THSD4: variants seen among roughly 807,000 people sequenced by gnomAD.
THSD4 encodes thrombospondin type-1 domain-containing protein 4.
Under a neutral mutation model 119.0 loss-of-function variants are expected in THSD4, and 69 were observed. That is an observed-to-expected ratio of 0.58 (90% CI 0.48 to 0.71). The LOEUF (loss-of-function observed/expected upper bound fraction) is 0.71. Among genes scored for constraint, THSD4 ranks in the 30% least tolerant of loss-of-function variants. The pLI is 0.00. For missense variants in THSD4, 1,393 were observed against 1,391.1 expected, an observed-to-expected ratio of 1.00 and a Z score of -0.02; for synonymous variants, 524 against 540.4, an observed-to-expected ratio of 0.97 and a Z score of 0.42.
At chr15:71,491,906 T>G (rs1567006615) in intron 7 of THSD4, among the ~76,000 whole-genome samples, 1 of 152,158 alleles carries the variant, frequency 6.6e-6, no homozygotes, top group Non-Finnish European at 1.5e-5. Context: ...ATTTATTTTA[T>G]TTATAAACTA....
At chr15:71,406,904 G>A (rs537635715) in intron 6 of THSD4, among the ~76,000 whole-genome samples, 39 of 151,960 alleles carry the variant, frequency 2.6e-4, no homozygotes, top group African/African-American at 8.7e-4. Context: ...GGCTGGTCTC[G>A]AACTCCTGAT....
chr15:71,396,067 G>T (rs142196083), intron 6 of THSD4, among the ~76,000 whole-genome samples: 2 of 151,918 alleles, frequency 1.3e-5, no homozygotes, highest in Admixed American at 6.6e-5. Flanking sequence ...TGCTTTTATC[G>T]CTGTTGAGTG....
intron 5 of THSD4, among the ~76,000 whole-genome samples, chr15:71,255,939 G>C (rs1255910951): frequency 6.6e-6 from 1 of 152,200 alleles, no homozygotes; most frequent in Admixed American, 6.5e-5. Flanking sequence ...AACAGAAGCA[G>C]ATGGCCTCTT....
At chr15:71,573,313 T>C (rs922244151) in intron 7 of THSD4, among the ~76,000 whole-genome samples, 6 of 152,122 alleles carry the variant, frequency 3.9e-5, no homozygotes, top group Admixed American at 1.3e-4. Context: ...GTGGTGGCAG[T>C]GAGAATAGAA....
chr15:71,143,624 G>A (rs546818278), intron 2 of THSD4, among the ~76,000 whole-genome samples: 83 of 150,920 alleles, frequency 5.5e-4, no homozygotes, highest in South Asian at 3.8e-3. Flanking sequence ...CAGGCAGGGA[G>A]TTTCTTGGGA....
chr15:71,753,907 C>T (rs998243259), intron 14 of THSD4, among the ~76,000 whole-genome samples: 3 of 152,098 alleles, frequency 2.0e-5, no homozygotes, highest in Non-Finnish European at 2.9e-5. Flanking sequence ...CCTTCATATT[C>T]TTCTTTTAAA....
chr15:71,653,076 G>T (rs2051123209), intron 7 of THSD4, among the ~76,000 whole-genome samples: 2 of 152,150 alleles, frequency 1.3e-5, no homozygotes, highest in African/African-American at 4.8e-5. Flanking sequence ...CTGTAACTTT[G>T]ATCTTTTGAT....
At chr15:71,480,625 C>G (rs1373788431) in intron 7 of THSD4, among the ~76,000 whole-genome samples, 4 of 152,198 alleles carry the variant, frequency 2.6e-5, no homozygotes, top group Non-Finnish European at 5.9e-5. Context: ...CTCCCTGAGC[C>G]TCTTACACCC....
chr15:71,672,722 C>T (rs1173330265), intron 8 of THSD4, among the ~76,000 whole-genome samples: 1 of 152,140 alleles, frequency 6.6e-6, no homozygotes, highest in Admixed American at 6.5e-5. Flanking sequence ...TGTCAAAGGC[C>T]TTTTCTGCAT....
chr15:71,563,991 A>G (rs2049176210), intron 7 of THSD4, among the ~76,000 whole-genome samples: 1 of 152,130 alleles, frequency 6.6e-6, no homozygotes, highest in African/African-American at 2.4e-5. Context: ...CCAATTCCAA[A>G]TTGCACTGAG....
intron 7 of THSD4, among the ~76,000 whole-genome samples, chr15:71,558,226 G>T (rs1403877800): frequency 2.0e-5 from 3 of 152,178 alleles, no homozygotes; most frequent in Non-Finnish European, 4.4e-5. Flanking sequence ...TACTTGGGAG[G>T]CTGAGGCAGG....
chr15:71,302,872 C>A (rs1023382158), intron 6 of THSD4, among the ~76,000 whole-genome samples: 1 of 152,088 alleles, frequency 6.6e-6, no homozygotes, highest in African/African-American at 2.4e-5. Flanking sequence ...AGCCCTACAA[C>A]CCCCTGCCAC....
At chr15:71,473,377 C>G (rs558569820) in intron 7 of THSD4, among the ~76,000 whole-genome samples, 102 of 152,104 alleles carry the variant, frequency 6.7e-4, no homozygotes, top group Non-Finnish European at 1.1e-3. Flanking sequence ...GAATCATAAA[C>G]TGTTTTTAGG....
chr15:71,660,606 G>C lies in THSD4; in HGVS notation c.1229G>C (p.Gly410Ala), dbSNP rs202063075. The change falls in exon 8 of 18, where the codon GGC becomes GCC. Residue 410 changes from glycine (G) to alanine (A), a missense_variant. Gly to Ala is a moderately conservative substitution (Grantham distance 60, BLOSUM62 0). Coordinates refer to ENST00000261862, the MANE Select transcript of THSD4 (RefSeq NM_024817.3). ...KCGVCGGDNT[G>A]CQVVSGVFKH... ...GGGGTGTGTGGAGGAGACAACACGG[G>C]CTGTCAGGTTGTGTCGGGCGTGTTT... 27 of 1,614,178 alleles carry C rather than the reference G, an allele frequency of 1.7e-5. No homozygotes were observed. In the East Asian group the frequency reaches 5.3e-4, roughly 32 times the overall value.
At position 71,356,049 on chromosome 15, in the gene THSD4, G is replaced by C. The variant is rs368341767; in HGVS notation, c.1016-55638G>C. Reference sequence around the variant, plus strand: ...CACCTGGCTAATTTTTGTATTTTTAGTAGAGACAGGGTTTCACCGTGTTGC... The same window carrying C: ...CACCTGGCTAATTTTTGTATTTTTACTAGAGACAGGGTTTCACCGTGTTGC... On this transcript the variant is annotated intron_variant, in intron 6 of 17. Transcript: ENST00000261862. Among the ~76,000 whole-genome samples the C allele has an allele frequency of 7.2e-5, 11 of 152,026 alleles. No individual in the cohort carries two copies. In the East Asian group the frequency reaches 1.6e-3, roughly 21 times the overall value.
chr15:71,126,720 T>G (rs1419429298), intron 1 of THSD4, among the ~76,000 whole-genome samples: 1 of 152,084 alleles, frequency 6.6e-6, no homozygotes, highest in East Asian at 1.9e-4. Context: ...CTGAGGCAAA[T>G]AAAGAAAATA....
At chr15:71,234,919 G>A (rs2044091605) in intron 4 of THSD4, among the ~76,000 whole-genome samples, 2 of 152,226 alleles carry the variant, frequency 1.3e-5, no homozygotes, top group South Asian at 2.1e-4. Flanking sequence ...CCCCAGGGCT[G>A]CACTGAGGAT....
chr15:71,388,661 A>AGTGTGTGTGT (rs748438115), intron 6 of THSD4, among the ~76,000 whole-genome samples: 10 of 142,088 alleles, frequency 7.0e-5, no homozygotes, highest in African/African-American at 1.5e-4. Flanking sequence ...TTCTTTGGAG[A>AGTGTGTGTGT]GAGTGTGTGT....
At chr15:71,312,291 G>A (rs1272353891) in intron 6 of THSD4, among the ~76,000 whole-genome samples, 3 of 152,086 alleles carry the variant, frequency 2.0e-5, no homozygotes, top group Admixed American at 2.0e-4. Flanking sequence ...TCGTACCACT[G>A]CACTCCAGTC....
Sources: gnomAD v4.1 joint callset for allele counts (sites outside exome capture counted in the v4.1 genomes callset) on GRCh38, gnomAD v4.1.1 for gene constraint, MANE v1.5 for transcripts, NCBI Gene and HGNC (gene_info 2026-07-23, HGNC 2026-07-21) for gene names.